Variants in CSNK1G1 observed in about 807,000 individuals in gnomAD.
CSNK1G1 encodes the protein casein kinase I isoform gamma-1.
Under a neutral mutation model 59.6 loss-of-function variants are expected in CSNK1G1, and 22 were observed. The ratio of observed to expected loss-of-function variants is 0.37; its 90% CI spans 0.26 to 0.53. The LOEUF (loss-of-function observed/expected upper bound fraction) is 0.53, where lower values mean the gene tolerates loss of function less well. Ranked by LOEUF, CSNK1G1 falls within the 20% of genes least tolerant of loss-of-function variation. The pLI is 0.89. For missense variants in CSNK1G1, 384 were observed against 519.5 expected, an observed-to-expected ratio of 0.74 and a Z score of 2.54; for synonymous variants, 179 against 177.1, an observed-to-expected ratio of 1.01 and a Z score of -0.08.
At chr15:64,259,808 C>T (rs1037031983) in intron 2 of CSNK1G1, among the ~76,000 whole-genome samples, 1 of 152,090 alleles carries the variant, frequency 6.6e-6, no homozygotes, top group Non-Finnish European at 1.5e-5. Context: ...GACTGTTTAC[C>T]AGAACAACAG....
intron 1 of CSNK1G1, among the ~76,000 whole-genome samples, chr15:64,347,373 T>C (rs561047006): frequency 1.5e-4 from 23 of 152,142 alleles, no homozygotes; most frequent in African/African-American, 5.5e-4. Flanking sequence ...TATTCATCAT[T>C]ATCAAAAACT....
At chr15:64,333,302 T>A (rs1210865622) in intron 1 of CSNK1G1, among the ~76,000 whole-genome samples, 48 of 107,638 alleles carry the variant, frequency 4.5e-4, no homozygotes, top group Non-Finnish European at 7.9e-4. Context: ...AAAGGAGGTC[T>A]AAATCTTGAA....
intron 2 of CSNK1G1, among the ~76,000 whole-genome samples, chr15:64,295,022 G>GT (rs1217755516): frequency 3.9e-5 from 6 of 152,058 alleles, no homozygotes; most frequent in Admixed American, 2.0e-4. Flanking sequence ...ACAAGGTCAG[G>GT]AGATCAAGAC....
chr15:64,329,450 GA>G (rs1185783624), intron 1 of CSNK1G1, among the ~76,000 whole-genome samples: 11 of 137,556 alleles, frequency 8.0e-5, no homozygotes, highest in African/African-American at 2.7e-4. Flanking sequence ...AATGAAGGCA[GA>G]AATAAAGATG....
chr15:64,283,523 G>C lies in CSNK1G1; in HGVS notation c.181+16796C>G, dbSNP rs1003618012. On this transcript the variant is annotated intron_variant, in intron 2 of 11. Transcript: ENST00000303052. Reference sequence around the variant, plus strand: ...ACACCCAGCTAATTTTTGTATTTTAGTAGAGATGGGGTTTCACCATGTTGG... The same window carrying C: ...ACACCCAGCTAATTTTTGTATTTTACTAGAGATGGGGTTTCACCATGTTGG... Among the ~76,000 whole-genome samples the C allele has an allele frequency of 4.6e-5, 7 of 151,872 alleles. No individual in the cohort carries two copies. The East Asian group carries it at 1.2e-3, about 25-fold the overall frequency.
intron 4 of CSNK1G1, among the ~76,000 whole-genome samples, chr15:64,245,491 CAT>C (rs778384311): frequency 7.2e-5 from 11 of 152,168 alleles, no homozygotes; most frequent in Non-Finnish European, 1.0e-4. Flanking sequence ...TTATCAAAAA[CAT>C]GTGTGTACGT....
rs78148504 is a variant in CSNK1G1, at chr15:64,306,847, T to C, written c.-224-6124A>G. 8.2e-3 allele frequency among the ~76,000 whole-genome samples: 1,248 copies of C among 152,258 alleles called. 17 individuals are homozygous for C. Among genetic ancestry groups the C allele is most frequent in the African/African-American group, 0.029 (1,199 of 41,556 alleles). ...AGCTACAAAAAGACATAGAAGAACC[T>C]AAAATGCATATTGCTAAGTGAAAGA... On this transcript the variant is annotated intron_variant, in intron 1 of 11. Coordinates refer to ENST00000303052, the MANE Select transcript of CSNK1G1 (RefSeq NM_022048.5).
chr15:64,207,138 A>T (rs2082192903), intron 7 of CSNK1G1, among the ~76,000 whole-genome samples: 1 of 152,220 alleles, frequency 6.6e-6, no homozygotes, highest in South Asian at 2.1e-4. Flanking sequence ...AAAAATTAAG[A>T]AACGGAAGAC....
chr15:64,191,297 T>G (rs780146768), intron 10 of CSNK1G1, among the ~76,000 whole-genome samples: 1 of 152,148 alleles, frequency 6.6e-6, no homozygotes, highest in Non-Finnish European at 1.5e-5. Context: ...CCTGACCTCA[T>G]GATCTGCCCG....
chr15:64,317,213 T>C (rs1362804549), intron 1 of CSNK1G1, among the ~76,000 whole-genome samples: 1 of 152,146 alleles, frequency 6.6e-6, no homozygotes, highest in Non-Finnish European at 1.5e-5. Flanking sequence ...TTCAGCCTCC[T>C]ATGTAGCCGG....
chr15:64,193,709 T>C (rs2082003626), intron 10 of CSNK1G1, among the ~76,000 whole-genome samples: 1 of 152,098 alleles, frequency 6.6e-6, no homozygotes, highest in Non-Finnish European at 1.5e-5. Context: ...CTCAACACTA[T>C]CCAGAGACGA....
intron 2 of CSNK1G1, among the ~76,000 whole-genome samples, chr15:64,292,049 TA>T (rs1237201244): frequency 1.6e-4 from 24 of 146,034 alleles, no homozygotes; most frequent in African/African-American, 1.2e-4. Flanking sequence ...ATACACATAT[TA>T]AAAAAAAAAA....
chr15:64,238,519 ATATATATATAT>A (rs1428839884), intron 4 of CSNK1G1, among the ~76,000 whole-genome samples: 3 of 71,486 alleles, frequency 4.2e-5, no homozygotes, highest in African/African-American at 2.4e-4. Flanking sequence ...AAAAAAAAAA[ATATATATATAT>A]ATATATATAT....
chr15:64,298,723 T>C (rs774936722), intron 2 of CSNK1G1, among the ~76,000 whole-genome samples: 1 of 152,098 alleles, frequency 6.6e-6, no homozygotes, highest in Non-Finnish European at 1.5e-5. Context: ...ATGTTCTCTA[T>C]GCAGGACCAT....
intron 10 of CSNK1G1, among the ~76,000 whole-genome samples, chr15:64,196,806 TA>T (rs2082044761): frequency 6.6e-6 from 1 of 150,738 alleles, no homozygotes; most frequent in African/African-American, 2.5e-5. Flanking sequence ...TTTTTTTTTT[TA>T]AACACCCCTC....
chr15:64,280,428 C>T (rs895910333), intron 2 of CSNK1G1, among the ~76,000 whole-genome samples: 1 of 151,600 alleles, frequency 6.6e-6, no homozygotes, highest in East Asian at 1.9e-4. Flanking sequence ...TTGAGACAGT[C>T]TTGCTCTGTT....
chr15:64,291,953 C>T (rs1894762703), intron 2 of CSNK1G1, among the ~76,000 whole-genome samples: 3 of 152,144 alleles, frequency 2.0e-5, no homozygotes, highest in African/African-American at 7.2e-5. Flanking sequence ...AATCCCAGCA[C>T]TTTGGGAGGC....
At chr15:64,277,300 A>G (rs1388095230) in intron 2 of CSNK1G1, among the ~76,000 whole-genome samples, 1 of 151,938 alleles carries the variant, frequency 6.6e-6, no homozygotes, top group Non-Finnish European at 1.5e-5. Flanking sequence ...CTCTGCCTCC[A>G]CAAAAAAATT....
In CSNK1G1 at chr15:64,199,422, T is replaced by C. The variant is rs114847878; in HGVS notation, c.1107+3660A>G. Among the ~76,000 whole-genome samples, 249 of 152,284 alleles carry C rather than the reference T, an allele frequency of 1.6e-3. 2 individuals carry two copies. The highest frequency in any genetic ancestry group is 5.7e-3 in the African/African-American group (239 of 41,566). ...CAGAGACTTTTCATTTAAAAGTACA[T>C]TGAAATTCACTACTCAGTTTTTACC... On this transcript the variant is annotated intron_variant, in intron 10 of 11. Coordinates refer to ENST00000303052, the MANE Select transcript of CSNK1G1 (RefSeq NM_022048.5).
Sources: gnomAD v4.1 joint callset for allele counts (sites outside exome capture counted in the v4.1 genomes callset) on GRCh38, gnomAD v4.1.1 for gene constraint, MANE v1.5 for transcripts, NCBI Gene and HGNC (gene_info 2026-07-23, HGNC 2026-07-21) for gene names.